Variants in FRYL observed in about 807,000 individuals in gnomAD.
FRYL encodes the protein protein furry homolog-like.
Under a neutral mutation model 351.2 loss-of-function variants are expected in FRYL, and 150 were observed. The observed-to-expected ratio is 0.43, with a 90% CI of 0.37 to 0.49. FRYL has a LOEUF of 0.49. Among genes scored for constraint, FRYL ranks in the 20% least tolerant of loss-of-function variants. The probability of loss-of-function intolerance (pLI) is 0.00; values close to 1 mark genes in which losing one functional copy is unlikely to be tolerated. For synonymous variants in FRYL, 1,153 were observed against 1,257.1 expected (o/e 0.92, Z 1.75); for missense variants, 3,036 against 3,619.3 (o/e 0.84, Z 4.13).
At chr4:48,767,390 C>A (rs1242537215) in intron 1 of FRYL, among the ~76,000 whole-genome samples, 4 of 152,186 alleles carry the variant, frequency 2.6e-5, no homozygotes, top group Admixed American at 2.0e-4. Flanking sequence ...CCTCCCCCAA[C>A]ACTGGGGATT....
intron 1 of FRYL, among the ~76,000 whole-genome samples, chr4:48,758,894 T>C (rs1381871086): frequency 6.6e-6 from 1 of 152,130 alleles, no homozygotes; most frequent in African/African-American, 2.4e-5. Flanking sequence ...TGGAATACTA[T>C]GCAGCCATAA....
chr4:48,609,705 C>CA, intron 8 of FRYL, 39 bp downstream of exon 8: 11 of 1,040,232 alleles, frequency 1.1e-5, no homozygotes, highest in Admixed American at 2.1e-5. Context: ...ACCTGGATTG[C>CA]AAAAAAAGGC....
At chr4:48,776,819 A>C (rs1776074073) in intron 1 of FRYL, among the ~76,000 whole-genome samples, 1 of 152,174 alleles carries the variant, frequency 6.6e-6, no homozygotes, top group African/African-American at 2.4e-5. Flanking sequence ...CTACCCCCAA[A>C]ACTACTTTAT....
chr4:48,752,416 C>T (rs1277897932), intron 1 of FRYL, among the ~76,000 whole-genome samples: 1 of 151,920 alleles, frequency 6.6e-6, no homozygotes, highest in Non-Finnish European at 1.5e-5. Context: ...ATCTGATAGT[C>T]TCATCTGTCC....
chr4:48,698,864 A>C (rs1766455304), intron 2 of FRYL, among the ~76,000 whole-genome samples: 1 of 151,996 alleles, frequency 6.6e-6, no homozygotes, highest in African/African-American at 2.4e-5. Flanking sequence ...CTAAACAAGT[A>C]ACAAATATAG....
At chr4:48,595,726 G>A in intron 14 of FRYL, 28 bp from the exon 15 acceptor site, 1 of 1,468,754 alleles carries the variant, frequency 6.8e-7, no homozygotes, top group Non-Finnish European at 9.5e-7. Context: ...TAGTCATAGT[G>A]AGATCATAAC....
intron 11 of FRYL, among the ~76,000 whole-genome samples, chr4:48,604,509 A>C (rs2945330): frequency 0.4 from 60,852 of 152,104 alleles, 13,282 homozygotes; most frequent in Admixed American, 0.51. Context: ...ACACAGACAT[A>C]CACTCAAGGA....
intron 1 of FRYL, among the ~76,000 whole-genome samples, chr4:48,760,728 G>T (rs1234705563): frequency 2.0e-5 from 3 of 152,154 alleles, no homozygotes; most frequent in African/African-American, 7.2e-5. Context: ...CCAGGCTGGA[G>T]TGCAATGGTG....
At position 48,561,596 on chromosome 4, in the gene FRYL, T is replaced by C; in HGVS notation, c.3737A>G (p.Glu1246Gly). Residue 1246 changes from glutamate to glycine, a missense_variant, in exon 33 of 64, where the codon GAG (glutamate) becomes GGG (glycine). Glu to Gly is a moderately conservative substitution (Grantham distance 98). Coordinates refer to ENST00000358350, the MANE Select transcript of FRYL (RefSeq NM_015030.2). Reference protein sequence around the residue: ...PKMFRYAHKLEVQRTDGVLSQ... With the variant: ...PKMFRYAHKLGVQRTDGVLSQ... ...GAGTACTCCATCTGTTCTCTGAACCTCCAATTTGTGAGCATAGCGAAACAT... is the reference window on the plus strand; with the variant it reads ...GAGTACTCCATCTGTTCTCTGAACCCCCAATTTGTGAGCATAGCGAAACAT... 1.2e-6 allele frequency: 2 copies of C among 1,611,688 alleles called. No individual in the cohort carries two copies. Among genetic ancestry groups the C allele is most frequent in the Non-Finnish European group, 1.7e-6 (2 of 1,178,474 alleles).
At chr4:48,578,082 G>A (rs1157273425) in intron 23 of FRYL, among the ~76,000 whole-genome samples, 5 of 150,988 alleles carry the variant, frequency 3.3e-5, no homozygotes, top group African/African-American at 7.3e-5. Flanking sequence ...TATTAGATAC[G>A]GATATGCAAA....
At chr4:48,511,284 G>A (rs1027256737) in intron 57 of FRYL, among the ~76,000 whole-genome samples, 1 of 152,096 alleles carries the variant, frequency 6.6e-6, no homozygotes, top group African/African-American at 2.4e-5. Context: ...TACATTCTTA[G>A]CAATGAAAGT....
chr4:48,566,143 CT>C (rs1490205060), intron 28 of FRYL, among the ~76,000 whole-genome samples: 2 of 152,132 alleles, frequency 1.3e-5, no homozygotes, highest in Admixed American at 6.5e-5. Flanking sequence ...GGAAAGCTGC[CT>C]TTTCCTGCTA....
intron 18 of FRYL, among the ~76,000 whole-genome samples, chr4:48,587,426 T>G (rs1271810131): frequency 6.6e-6 from 1 of 152,182 alleles, no homozygotes; most frequent in African/African-American, 2.4e-5. Context: ...CTGGTCTGTA[T>G]TTGAAGGTGA....
At chr4:48,513,329 TAC>T (rs1228571972) in intron 56 of FRYL, among the ~76,000 whole-genome samples, 1 of 152,182 alleles carries the variant, frequency 6.6e-6, no homozygotes, top group Non-Finnish European at 1.5e-5. Context: ...CATAAGCATA[TAC>T]TATGTTCCTA....
chr4:48,499,494 TAG>T lies in FRYL; in HGVS notation c.8968_8969del (p.Leu2990ThrfsTer36). 6.2e-7 allele frequency: 1 copy of T among 1,613,972 alleles called. No homozygotes were observed. Among genetic ancestry groups the T allele is most frequent in the Non-Finnish European group, 8.5e-7 (1 of 1,179,844 alleles). ...MELNLEIRES[L>X]RMVQSYQLLA... ...GAAGTTGGTATGATTGCACCATGCGTAGAGACTCTCTTATTTCCAGATTAAGT... is the reference window on the plus strand; with the variant it reads ...GAAGTTGGTATGATTGCACCATGCGTAGACTCTCTTATTTCCAGATTAAGT... On this transcript the variant is annotated frameshift_variant, in exon 64 of 64. Coordinates refer to ENST00000358350, the MANE Select transcript of FRYL (RefSeq NM_015030.2). LOFTEE classifies it high-confidence loss of function.
At chr4:48,754,391 G>A (rs1471189953) in intron 1 of FRYL, among the ~76,000 whole-genome samples, 7 of 152,120 alleles carry the variant, frequency 4.6e-5, no homozygotes, top group African/African-American at 1.7e-4. Flanking sequence ...ATCAGCTGAT[G>A]GACATTTGGG....
In FRYL at chr4:48,501,685, G is replaced by A. The variant is rs1196938343; in HGVS notation, c.8530C>T (p.Leu2844Phe). Reference protein sequence around the residue: ...RLYKLHFQLLLLFQAYCKLIN... With the variant: ...RLYKLHFQLLFLFQAYCKLIN... ...AGTTTACAGTAGGCCTGGAACAGAA[G>A]CAGCAATTGAAAATGCAATTTGTAT... is the stretch of plus-strand genomic sequence containing the variant. Residue 2844 changes from leucine (L) to phenylalanine (F), a missense_variant, in exon 62 of 64, where the codon CTT becomes TTT. This residue lies in a region of FRYL where 1,987 missense variants were observed against 2,311.7 expected (regional missense o/e 0.86). Transcript: ENST00000358350. 6.2e-7 allele frequency: 1 copy of A among 1,610,650 alleles called. No homozygotes were observed. The highest frequency in any genetic ancestry group is 1.3e-5 in the African/African-American group (1 of 74,830).
intron 4 of FRYL, among the ~76,000 whole-genome samples, chr4:48,628,320 G>A (rs1252269735): frequency 1.3e-5 from 2 of 152,044 alleles, no homozygotes; most frequent in Non-Finnish European, 2.9e-5. Flanking sequence ...TAGAAAGAAT[G>A]AGATTAATTT....
intron 3 of FRYL, among the ~76,000 whole-genome samples, chr4:48,649,024 T>G (rs1560785155): frequency 6.6e-6 from 1 of 152,180 alleles, no homozygotes; most frequent in African/African-American, 2.4e-5. Context: ...CTCTTGAGAT[T>G]TTCATGCTGA....
Sources: gnomAD v4.1 joint callset for allele counts (sites outside exome capture counted in the v4.1 genomes callset) on GRCh38, gnomAD v4.1.1 for gene constraint, gnomAD v4.1.1 regional missense constraint, MANE v1.5 for transcripts, NCBI Gene and HGNC (gene_info 2026-07-23, HGNC 2026-07-21) for gene names.